The following CALCRL variants were observed in gnomAD, a reference collection of about 807,000 sequenced individuals.
CALCRL encodes calcitonin receptor like receptor.
Under a neutral mutation model 60.4 loss-of-function variants are expected in CALCRL, and 27 were observed. The observed-to-expected ratio is 0.45, with a 90% CI of 0.33 to 0.62. The LOEUF (loss-of-function observed/expected upper bound fraction) is 0.62. Ranked by LOEUF, CALCRL falls within the 20% of genes least tolerant of loss-of-function variation. The pLI is 0.03. For synonymous variants in CALCRL, 190 were observed against 182.6 expected, an observed-to-expected ratio of 1.04 and a Z score of -0.33; for missense variants, 424 against 540.7, an observed-to-expected ratio of 0.78 and a Z score of 2.14.
Position 187,346,112 on chromosome 2 carries a change from G to A in CALCRL, c.*72C>T, listed in dbSNP as rs1368186326. The A allele has an allele frequency of 2.2e-6, 2 of 890,200 alleles. No individual in the cohort carries two copies. Among genetic ancestry groups the A allele is most frequent in the Non-Finnish European group, 3.5e-6 (2 of 578,480 alleles). The allele number at this position is 890,200 out of a possible 1,614,324, so 55.1% of individuals were successfully genotyped here. A position where few individuals can be genotyped will look rare whatever the true frequency, so the allele number is the denominator to read the frequency against. On this transcript the variant is annotated 3_prime_UTR_variant, in exon 15 of 15. Transcript: ENST00000392370. ...AGTCATTTAATATTGAAGTCTTCTGGCTACAGAGTCATGGGTCCAAGTCCT... is the reference window on the plus strand; with the variant it reads ...AGTCATTTAATATTGAAGTCTTCTGACTACAGAGTCATGGGTCCAAGTCCT...
chr2:187,364,078 A>T (rs1219368917), intron 8 of CALCRL, among the ~76,000 whole-genome samples: 1 of 152,160 alleles, frequency 6.6e-6, no homozygotes, highest in Admixed American at 6.5e-5. Flanking sequence ...GCTTTACTGA[A>T]TTTTTCTAAT....
intron 1 of CALCRL, among the ~76,000 whole-genome samples, chr2:187,392,817 C>T (rs748852324): frequency 2.0e-5 from 3 of 152,088 alleles, no homozygotes; most frequent in Non-Finnish European, 2.9e-5. Flanking sequence ...AATCCTCTCA[C>T]TTTGGTTCCC....
rs376841575 is a variant in CALCRL at position 187,344,282 on chromosome 2, C to A, written c.*1902G>T. ...CATGCATAGATAAATTATAAATGTACTGACCAGACCATTCTATATGTTAAT... is the reference window on the plus strand; with the variant it reads ...CATGCATAGATAAATTATAAATGTAATGACCAGACCATTCTATATGTTAAT... On this transcript the variant is annotated 3_prime_UTR_variant, in exon 15 of 15. Coordinates refer to ENST00000392370, the MANE Select transcript of CALCRL (RefSeq NM_005795.6). 6.6e-6 allele frequency: 1 copy of A among 151,638 alleles called. No individual in the cohort carries two copies. Among genetic ancestry groups the A allele is most frequent in the Non-Finnish European group, 1.5e-5 (1 of 67,688 alleles). The allele number at this position is 151,638 out of a possible 1,614,324, so 9.4% of individuals were successfully genotyped here.
At chr2:187,380,381 C>A in intron 7 of CALCRL, 86 bp downstream of exon 7, 1 of 713,522 alleles carries the variant, frequency 1.4e-6, no homozygotes. Context: ...GGAATAATGA[C>A]TTTATTTTCT....
intron 1 of CALCRL, among the ~76,000 whole-genome samples, chr2:187,413,769 T>C (rs984176286): frequency 6.6e-6 from 1 of 152,276 alleles, no homozygotes; most frequent in East Asian, 1.9e-4. Flanking sequence ...AATCCAGAGT[T>C]GCTTTGGTCA....
intron 1 of CALCRL, among the ~76,000 whole-genome samples, chr2:187,407,399 G>C (rs1215661444): frequency 6.6e-6 from 1 of 152,008 alleles, no homozygotes; most frequent in Non-Finnish European, 1.5e-5. Flanking sequence ...ATAAGGAAAA[G>C]CACTTGAACT....
At position 187,352,299 on chromosome 2, in the gene CALCRL, C is replaced by T. The variant is rs779482907; in HGVS notation, c.943G>A (p.Val315Ile). 19 of 1,610,806 alleles carry T rather than the reference C, an allele frequency of 1.2e-5. No homozygotes were observed. Among genetic ancestry groups the T allele is most frequent in the East Asian group, 2.2e-5 (1 of 44,796 alleles). ...GTAACTTTTAACTTGGTGATGAGAA[C>T]GCGTACAATATTTAACAAGAAAAAA... is the stretch of plus-strand genomic sequence containing the variant. ...NLFFLLNIVR[V>I]LITKLKVTHQ... Residue 315 changes from valine (V) to isoleucine (I), a missense_variant, in exon 13 of 15, where the codon GTT becomes ATT. Val to Ile is a conservative substitution (Grantham distance 29). Around this residue, in one of 7 missense-constraint regions of CALCRL, gnomAD observed 222 missense variants for 265.6 expected, o/e 0.84. Transcript: ENST00000392370.
At chr2:187,409,197 AT>A (rs1258654000) in intron 1 of CALCRL, among the ~76,000 whole-genome samples, 3 of 151,858 alleles carry the variant, frequency 2.0e-5, no homozygotes, top group Non-Finnish European at 2.9e-5. Context: ...ACATCAAGTC[AT>A]TTTTTTTCTC....
chr2:187,352,852 C>G (rs1265740920), intron 12 of CALCRL, among the ~76,000 whole-genome samples: 1 of 151,908 alleles, frequency 6.6e-6, no homozygotes, highest in African/African-American at 2.4e-5. Context: ...CAACACCTCT[C>G]CAAAGTATCA....
At chr2:187,443,128 T>C (rs552308796) in intron 1 of CALCRL, among the ~76,000 whole-genome samples, 1 of 151,970 alleles carries the variant, frequency 6.6e-6, no homozygotes, top group African/African-American at 2.4e-5. Context: ...TATTAGGTTC[T>C]GGCATGTATT....
Position 187,433,147 on chromosome 2 carries a change from C to T in CALCRL, c.-293+14892G>A, listed in dbSNP as rs531440106. Among the ~76,000 whole-genome samples the T allele has an allele frequency of 9.2e-5, 14 of 152,154 alleles. No homozygotes were observed. The South Asian group carries it at 2.9e-3, about 32-fold the overall frequency. The stretch of plus-strand genomic sequence containing the variant: ...AATAAAAGTTCCTATTAGTCTCAGC[C>T]TTTATTGGCATACATATGAAATTTA... On this transcript the variant is annotated intron_variant, in intron 1 of 14. Coordinates refer to ENST00000392370, the MANE Select transcript of CALCRL (RefSeq NM_005795.6).
rs1280051302 is a variant in CALCRL, at chr2:187,385,472, A to G, written c.51+73T>C. Reference sequence around the variant, plus strand: ...ACTAATTTCTGTATCTAGTAACTTCATTAATATTCTTTATCAATTATAGGT... The same window carrying G: ...ACTAATTTCTGTATCTAGTAACTTCGTTAATATTCTTTATCAATTATAGGT... On this transcript the variant is annotated intron_variant, in intron 4 of 14. Transcript: ENST00000392370. The G allele has an allele frequency of 6.6e-6, 5 of 759,486 alleles. No individual in the cohort carries two copies. The Admixed American group carries it at 1.3e-4, about 19-fold the overall frequency. The allele number at this position is 759,486 out of a possible 1,614,324, so 47.0% of individuals were successfully genotyped here.
chr2:187,375,257 C>T (rs369767875), intron 8 of CALCRL, among the ~76,000 whole-genome samples: 4 of 122,320 alleles, frequency 3.3e-5, no homozygotes, highest in Non-Finnish European at 4.8e-5. Context: ...CCGGCCTGGG[C>T]GACAGAGCGA....
At chr2:187,348,896 G>A (rs1374238673) in intron 14 of CALCRL, among the ~76,000 whole-genome samples, 1 of 151,594 alleles carries the variant, frequency 6.6e-6, no homozygotes, top group Non-Finnish European at 1.5e-5. Flanking sequence ...GAAGATAGCT[G>A]GGTGTTATTA....
intron 1 of CALCRL, among the ~76,000 whole-genome samples, chr2:187,433,750 T>C (rs1021919647): frequency 3.3e-5 from 5 of 152,000 alleles, no homozygotes; most frequent in Non-Finnish European, 5.9e-5. Context: ...TAACAACTTA[T>C]CTGAAGAAAA....
intron 8 of CALCRL, among the ~76,000 whole-genome samples, chr2:187,369,916 C>G (rs1382680812): frequency 6.6e-6 from 1 of 152,110 alleles, no homozygotes; most frequent in Non-Finnish European, 1.5e-5. Flanking sequence ...TTCTGAGGGG[C>G]AAGAACAGGC....
intron 1 of CALCRL, among the ~76,000 whole-genome samples, chr2:187,422,166 T>C (rs557674118): frequency 6.6e-6 from 1 of 152,314 alleles, no homozygotes; most frequent in Admixed American, 6.5e-5. Flanking sequence ...TTTTTATTAC[T>C]AAAATTCCAA....
chr2:187,352,029 G>C, intron 13 of CALCRL, 68 bp from the exon 14 acceptor site: 1 of 1,521,776 alleles, frequency 6.6e-7, no homozygotes, highest in Admixed American at 1.7e-5. Flanking sequence ...TCAAATAGCT[G>C]TACAAGTAGT....
intron 8 of CALCRL, among the ~76,000 whole-genome samples, chr2:187,369,832 CAA>C (rs1158166028): frequency 3.9e-5 from 6 of 152,062 alleles, no homozygotes; most frequent in East Asian, 3.9e-4. Flanking sequence ...ACAGTTGAAA[CAA>C]GAGAGTATAG....
Sources: gnomAD v4.1 joint callset for allele counts (sites outside exome capture counted in the v4.1 genomes callset) on GRCh38, gnomAD v4.1.1 for gene constraint, gnomAD v4.1.1 regional missense constraint, MANE v1.5 for transcripts, NCBI Gene and HGNC (gene_info 2026-07-23, HGNC 2026-07-21) for gene names.